The following CFAP43 variants were observed in gnomAD, a reference collection of about 807,000 sequenced individuals.
CFAP43 encodes cilia- and flagella-associated protein 43.
In CFAP43, 155 loss-of-function variants were observed where a neutral mutation model predicts 218.9. The ratio of observed to expected loss-of-function variants is 0.71; its 90% CI spans 0.62 to 0.81. CFAP43 has a LOEUF of 0.81. Among genes scored for constraint, CFAP43 ranks in the 30% least tolerant of loss-of-function variants. CFAP43 has a pLI of 0.00. For missense variants in CFAP43, 1,778 were observed against 1,954.3 expected (o/e 0.91, Z 1.70); for synonymous variants, 645 against 681.3 (o/e 0.95, Z 0.83).
chr10:104,158,531 A>T (rs914767921), intron 27 of CFAP43, among the ~76,000 whole-genome samples: 7 of 152,192 alleles, frequency 4.6e-5, no homozygotes, highest in Non-Finnish European at 8.8e-5. Flanking sequence ...CTCGATTTTT[A>T]AAAAATGTCA....
intron 27 of CFAP43, among the ~76,000 whole-genome samples, chr10:104,154,737 C>A (rs1016168818): frequency 2.6e-5 from 4 of 152,176 alleles, no homozygotes; most frequent in Admixed American, 2.0e-4. Flanking sequence ...TGTAAAATGG[C>A]CCTTTGCCAT....
At chr10:104,149,041 T>C (rs2088119226) in intron 28 of CFAP43, among the ~76,000 whole-genome samples, 1 of 152,180 alleles carries the variant, frequency 6.6e-6, no homozygotes, top group Admixed American at 6.5e-5. Flanking sequence ...TTCCCTTTCA[T>C]TTCTTTTCCT....
intron 34 of CFAP43, among the ~76,000 whole-genome samples, chr10:104,135,065 G>A (rs1192503477): frequency 1.3e-5 from 2 of 151,942 alleles, no homozygotes; most frequent in African/African-American, 2.4e-5. Flanking sequence ...GATTGCAAGA[G>A]TAGTCCGCAC....
At chr10:104,155,371 G>A (rs1202848262) in intron 27 of CFAP43, among the ~76,000 whole-genome samples, 2 of 152,200 alleles carry the variant, frequency 1.3e-5, no homozygotes, top group Non-Finnish European at 2.9e-5. Context: ...TGGCAAAGGG[G>A]ATCTGGTGGG....
At chr10:104,187,034 T>A (rs940910056) in intron 14 of CFAP43, among the ~76,000 whole-genome samples, 2 of 152,252 alleles carry the variant, frequency 1.3e-5, no homozygotes, top group African/African-American at 2.4e-5. Flanking sequence ...ATAGATTTCC[T>A]AATGCTAGGT....
chr10:104,183,928 A>T (rs890192371), intron 16 of CFAP43, among the ~76,000 whole-genome samples: 3 of 152,232 alleles, frequency 2.0e-5, no homozygotes, highest in Admixed American at 6.5e-5. Flanking sequence ...CAATCCTCAA[A>T]TGAGTTTTTG....
intron 33 of CFAP43, 86 bp downstream of exon 33, chr10:104,142,195 T>C (rs541089356): frequency 2.8e-6 from 3 of 1,086,864 alleles, no homozygotes; most frequent in African/African-American, 1.6e-5. Context: ...AAGCAGTCAG[T>C]AGGCATTCTC....
chr10:104,180,076 CA>C (rs1402639922), intron 17 of CFAP43, 144 bp from the exon 18 acceptor site: 1 of 650,396 alleles, frequency 1.5e-6, no homozygotes, highest in Non-Finnish European at 2.7e-6. Flanking sequence ...TTTGTCTGCC[CA>C]AGATGTAACA....
intron 8 of CFAP43, 85 bp downstream of exon 8, chr10:104,203,587 A>G (rs2090594974): frequency 7.4e-7 from 1 of 1,348,202 alleles, no homozygotes; most frequent in Non-Finnish European, 1.0e-6. Context: ...ACTGTGCAGC[A>G]TACTCTGCTC....
At chr10:104,146,903 C>T (rs1247567288) in intron 29 of CFAP43, among the ~76,000 whole-genome samples, 1 of 152,124 alleles carries the variant, frequency 6.6e-6, no homozygotes, top group African/African-American at 2.4e-5. Context: ...AGTTGTCCCG[C>T]TTCTAATTGG....
At chr10:104,200,317 A>G (rs1207874166) in intron 8 of CFAP43, among the ~76,000 whole-genome samples, 2 of 152,110 alleles carry the variant, frequency 1.3e-5, no homozygotes, top group African/African-American at 4.8e-5. Context: ...GTTCATCTGC[A>G]TCTCGTTATT....
At chr10:104,179,970 T>G in intron 17 of CFAP43, 38 bp from the exon 18 acceptor site, 1 of 1,547,136 alleles carries the variant, frequency 6.5e-7, no homozygotes, top group Non-Finnish European at 8.9e-7. Flanking sequence ...TGTCTTAAAG[T>G]TAAAATTCAT....
At chr10:104,177,673 T>C (rs2089680380) in intron 19 of CFAP43, among the ~76,000 whole-genome samples, 1 of 152,178 alleles carries the variant, frequency 6.6e-6, no homozygotes, top group South Asian at 2.1e-4. Context: ...AAACCTAGAA[T>C]ACTCATCGAA....
At chr10:104,194,865 A>T (rs149442485) in intron 10 of CFAP43, among the ~76,000 whole-genome samples, 2 of 152,358 alleles carry the variant, frequency 1.3e-5, no homozygotes, top group East Asian at 3.9e-4. Context: ...AGGATCCCAT[A>T]TGTGGTGACA....
chr10:104,165,628 G>C (rs2089114836), intron 23 of CFAP43, among the ~76,000 whole-genome samples: 1 of 152,174 alleles, frequency 6.6e-6, no homozygotes, highest in Non-Finnish European at 1.5e-5. Context: ...CTCAGTCACT[G>C]CCTTTTCAAA....
chr10:104,171,859 T>A (rs1407107497), intron 20 of CFAP43, among the ~76,000 whole-genome samples: 1 of 152,216 alleles, frequency 6.6e-6, no homozygotes, highest in African/African-American at 2.4e-5. Context: ...TATGCAAATA[T>A]AATTAATCCA....
chr10:104,191,893 A>G (rs1467851546), intron 12 of CFAP43, among the ~76,000 whole-genome samples: 1 of 152,136 alleles, frequency 6.6e-6, no homozygotes, highest in Non-Finnish European at 1.5e-5. Context: ...TTCAAGAGAA[A>G]TCAACCCAAC....
chr10:104,157,409 A>G (rs1283949486), intron 27 of CFAP43, among the ~76,000 whole-genome samples: 1 of 152,198 alleles, frequency 6.6e-6, no homozygotes, highest in African/African-American at 2.4e-5. Context: ...CAAAATGTGC[A>G]CATCACAACA....
Position 104,193,953 on chromosome 10 carries a change from G to A in CFAP43, c.1355C>T (p.Ser452Leu), listed in dbSNP as rs370863563. Residue 452 changes from serine (S) to leucine (L), a missense_variant, in exon 11 of 38, where the codon TCG (serine) becomes TTG (leucine). Ser to Leu is a moderately radical substitution (Grantham distance 145, BLOSUM62 -2). Around this residue, in one of 3 missense-constraint regions of CFAP43, gnomAD observed 1,553 missense variants for 1,685.2 expected, o/e 0.92. Coordinates refer to ENST00000357060, the MANE Select transcript of CFAP43 (RefSeq NM_025145.7). ...LSAAVGTEDGSVYFISVYDKE... is the reference protein window; with the variant it reads ...LSAAVGTEDGLVYFISVYDKE... ...ATCATATACGCTGATGAAGTAGACC[G>A]AGCCATCCTCCGTGCCCACGGCTGC... 23 of 1,613,892 alleles carry A rather than the reference G, an allele frequency of 1.4e-5. No homozygotes were observed. The highest frequency in any genetic ancestry group is 8.0e-5 in the African/African-American group (6 of 74,888).
Sources: allele counts gnomAD v4.1 joint callset (sites outside exome capture counted in the v4.1 genomes callset), GRCh38; gene constraint gnomAD v4.1.1; regional missense constraint gnomAD v4.1.1; transcripts MANE v1.5; gene names NCBI Gene and HGNC (gene_info 2026-07-23, HGNC 2026-07-21).